The following KIRREL3 variants were observed in gnomAD, a reference collection of about 807,000 sequenced individuals.
KIRREL3 encodes kirre like nephrin family adhesion molecule 3.
KIRREL3 carries 36 observed loss-of-function variants against 89.7 expected under a neutral mutation model. The ratio of observed to expected loss-of-function variants is 0.40; its 90% CI spans 0.31 to 0.53. The LOEUF (loss-of-function observed/expected upper bound fraction) is 0.53. KIRREL3 is among the 20% of genes least tolerant of loss of function. The probability of loss-of-function intolerance (pLI) is 0.49; values close to 1 mark genes in which losing one functional copy is unlikely to be tolerated. For synonymous variants in KIRREL3, 445 were observed against 441.4 expected (o/e 1.01, Z -0.10); for missense variants, 864 against 1,056.6 (o/e 0.82, Z 2.53).
chr11:126,587,452 C>A lies in KIRREL3; in HGVS notation c.56-24540G>T, dbSNP rs763387065. On this transcript the variant is annotated intron_variant, in intron 1 of 16. Transcript: ENST00000525144. This position sits in a 1 kb window ranked among gnomAD's most constrained non-coding sequence, Gnocchi z 5.2. ...AGCTTTCCAATCTGGAACAGTGGGT[C>A]ATGGAGCCATCACATTCCCAAACCC... Among the ~76,000 whole-genome samples, 1 of 152,158 alleles carries A rather than the reference C, an allele frequency of 6.6e-6. No individual in the cohort carries two copies. Among genetic ancestry groups the A allele is most frequent in the Non-Finnish European group, 1.5e-5 (1 of 68,036 alleles).
intron 1 of KIRREL3, among the ~76,000 whole-genome samples, chr11:126,573,179 A>G (rs770404033): frequency 2.6e-5 from 4 of 152,192 alleles, no homozygotes; most frequent in Non-Finnish European, 5.9e-5. Flanking sequence ...GCCAAGTCAC[A>G]GTCACAGCTG....
At chr11:126,618,489 C>T (rs914665569) in intron 1 of KIRREL3, among the ~76,000 whole-genome samples, 2 of 152,128 alleles carry the variant, frequency 1.3e-5, no homozygotes, top group African/African-American at 4.8e-5. Flanking sequence ...GGTTGGAGTG[C>T]AGTGGCACAA....
intron 1 of KIRREL3, chr11:126,936,949 A>G (rs1418600543): frequency 6.6e-6 from 1 of 152,246 alleles, no homozygotes; most frequent in Non-Finnish European, 1.5e-5. Context: ...GCAGATGCTT[A>G]TTAAGGATGT....
chr11:126,688,049 G>A (rs1016330365), intron 1 of KIRREL3, among the ~76,000 whole-genome samples: 11 of 152,222 alleles, frequency 7.2e-5, no homozygotes, highest in African/African-American at 1.9e-4. Flanking sequence ...CTTTAGGAAC[G>A]ACTCCTGCCT....
intron 1 of KIRREL3, among the ~76,000 whole-genome samples, chr11:126,921,457 A>C (rs575912730): frequency 6.6e-6 from 1 of 151,204 alleles, no homozygotes; most frequent in Admixed American, 6.6e-5. Context: ...CTTCCTATCT[A>C]TCTACCTATC....
At position 126,562,736 on chromosome 11, in the gene KIRREL3, G is replaced by T. The variant is rs1940220462; in HGVS notation, c.133+99C>A. 2.0e-6 allele frequency: 2 copies of T among 981,360 alleles called. No individual in the cohort carries two copies. Among genetic ancestry groups the T allele is most frequent in the Admixed American group, 1.9e-5 (1 of 52,472 alleles). The allele number at this position is 981,360 out of a possible 1,614,324, so 60.8% of individuals were successfully genotyped here. ...TCTTCCCACTGTCCCCTTCTGAGAGGTCCCAGGTTCTTATTCCTGGTTCCT... is the reference window on the plus strand; with the variant it reads ...TCTTCCCACTGTCCCCTTCTGAGAGTTCCCAGGTTCTTATTCCTGGTTCCT... On this transcript the variant is annotated intron_variant, in intron 2 of 16. Transcript: ENST00000525144. The surrounding 1 kb of genome is among the most constrained non-coding windows in gnomAD (Gnocchi z 4.7).
chr11:126,981,535 T>C lies in KIRREL3; in HGVS notation c.55+18920A>G, dbSNP rs1319825759. On this transcript the variant is annotated intron_variant, in intron 1 of 16. Coordinates refer to ENST00000525144, the MANE Select transcript of KIRREL3 (RefSeq NM_032531.4). The surrounding 1 kb of genome is among the most constrained non-coding windows in gnomAD (Gnocchi z 4.2). ...ACACATGGTCCCTGTTTCACTGAAA[T>C]GAGATCTGCCTCTACCACCCGACTC... 6.6e-6 allele frequency among the ~76,000 whole-genome samples: 1 copy of C among 152,204 alleles called. No individual in the cohort carries two copies. Among genetic ancestry groups the C allele is most frequent in the African/African-American group, 2.4e-5 (1 of 41,448 alleles).
chr11:126,848,392 G>T (rs146619961), intron 1 of KIRREL3, among the ~76,000 whole-genome samples: 1 of 152,142 alleles, frequency 6.6e-6, no homozygotes, highest in Non-Finnish European at 1.5e-5. Context: ...AAGAACTATG[G>T]TATACCTGTT....
chr11:126,437,021 C>A lies in KIRREL3; in HGVS notation c.1354-12G>T. 6.6e-7 allele frequency: 1 copy of A among 1,511,228 alleles called. No homozygotes were observed. Among genetic ancestry groups the A allele is most frequent in the Non-Finnish European group, 8.9e-7 (1 of 1,122,384 alleles). The allele number at this position is 1,511,228 out of a possible 1,614,324, so 93.6% of individuals were successfully genotyped here. On this transcript the variant is annotated splice_polypyrimidine_tract_variant and intron_variant, in intron 11 of 16. Coordinates refer to ENST00000525144, the MANE Select transcript of KIRREL3 (RefSeq NM_032531.4). ...TTCCAGGACCAGGCCTGCCCGGGGG[C>A]GCAGAATCAGGAGGAGACCCCACCA...
Position 126,498,159 on chromosome 11 carries a change from G to A in KIRREL3, c.433+23156C>T, listed in dbSNP as rs1020120541. On this transcript the variant is annotated intron_variant, in intron 4 of 16. Coordinates refer to ENST00000525144, the MANE Select transcript of KIRREL3 (RefSeq NM_032531.4). The surrounding 1 kb of genome is among the most constrained non-coding windows in gnomAD (Gnocchi z 4.3). ...CTGGACCAAGCTGATTGAGTGAAAG[G>A]GGGCAGAGTTGGGGTGGCCATCAAA... Among the ~76,000 whole-genome samples, 1 of 152,226 alleles carries A rather than the reference G, an allele frequency of 6.6e-6. No homozygotes were observed. Among genetic ancestry groups the A allele is most frequent in the African/African-American group, 2.4e-5 (1 of 41,448 alleles).
chr11:126,470,310 C>G (rs747168475), intron 5 of KIRREL3, among the ~76,000 whole-genome samples: 5 of 152,238 alleles, frequency 3.3e-5, no homozygotes, highest in East Asian at 3.8e-4. Context: ...ACAACTCTCT[C>G]TCTGTGTTAT....
chr11:126,621,209 A>G (rs1257473318), intron 1 of KIRREL3, among the ~76,000 whole-genome samples: 1 of 152,258 alleles, frequency 6.6e-6, no homozygotes, highest in African/African-American at 2.4e-5. Context: ...TCATTTGACT[A>G]TTCAGAACAG....
At chr11:126,956,441 T>TA (rs749276614) in intron 1 of KIRREL3, among the ~76,000 whole-genome samples, 1 of 152,208 alleles carries the variant, frequency 6.6e-6, no homozygotes, top group Non-Finnish European at 1.5e-5. Context: ...CTAGTCATTT[T>TA]AATGGCATAT....
rs1192354448 is a variant in KIRREL3, at chr11:126,430,260, C to CA, written c.1697-973dup. 2.0e-5 allele frequency among the ~76,000 whole-genome samples: 3 copies of CA among 151,910 alleles called. No homozygotes were observed. Among genetic ancestry groups the CA allele is most frequent in the Non-Finnish European group, 2.9e-5 (2 of 68,002 alleles). Reference sequence around the variant, plus strand: ...AGGAGTTCGAGACCAGCCTGGGCAACATGGTGAAATCCTGTCTCTGCAAAA... The same window carrying CA: ...AGGAGTTCGAGACCAGCCTGGGCAACAATGGTGAAATCCTGTCTCTGCAAAA... On this transcript the variant is annotated intron_variant, in intron 14 of 16. Coordinates refer to ENST00000525144, the MANE Select transcript of KIRREL3 (RefSeq NM_032531.4). This position sits in a 1 kb window ranked among gnomAD's most constrained non-coding sequence, Gnocchi z 6.6.
At chr11:126,425,759 G>T (rs1287886223) in intron 15 of KIRREL3, 35 bp from the exon 16 acceptor site, 1 of 1,536,472 alleles carries the variant, frequency 6.5e-7, no homozygotes. Context: ...GTAGATAGGA[G>T]GTGGCTAAAC....
intron 1 of KIRREL3, among the ~76,000 whole-genome samples, chr11:126,849,343 C>T (rs1388633369): frequency 6.6e-6 from 1 of 152,138 alleles, no homozygotes; most frequent in Admixed American, 6.5e-5. Flanking sequence ...AAGAAATAAC[C>T]ATAAAAATGG....
At chr11:126,538,194 C>A (rs1477792129) in intron 2 of KIRREL3, among the ~76,000 whole-genome samples, 1 of 152,248 alleles carries the variant, frequency 6.6e-6, no homozygotes, top group East Asian at 1.9e-4. Context: ...GGCTTCACAG[C>A]CTCCTGGAGT....
intron 1 of KIRREL3, among the ~76,000 whole-genome samples, chr11:126,590,919 T>G (rs1475471915): frequency 6.6e-6 from 1 of 152,218 alleles, no homozygotes; most frequent in African/African-American, 2.4e-5. Flanking sequence ...TCTTGAGGAT[T>G]TGCCTTATTA....
At chr11:126,853,874 T>TCAGTGTCTA (rs1354873448) in intron 1 of KIRREL3, among the ~76,000 whole-genome samples, 1 of 152,160 alleles carries the variant, frequency 6.6e-6, no homozygotes, top group South Asian at 2.1e-4. Flanking sequence ...AATACAGTTC[T>TCAGTGTCTA]CAGTGTCTAG....
Sources: allele counts gnomAD v4.1 joint callset (sites outside exome capture counted in the v4.1 genomes callset), GRCh38; gene constraint gnomAD v4.1.1; non-coding constraint Gnocchi (gnomAD v3.1); transcripts MANE v1.5; gene names NCBI Gene and HGNC (gene_info 2026-07-23, HGNC 2026-07-21).